BCKDK: variants seen among roughly 807,000 people sequenced by gnomAD.
The protein encoded by BCKDK is branched chain keto acid dehydrogenase kinase.
In BCKDK, 28 loss-of-function variants were observed where a neutral mutation model predicts 43.9. The ratio of observed to expected loss-of-function variants is 0.64; its 90% CI spans 0.47 to 0.87. The LOEUF is 0.87. Ranked by LOEUF, BCKDK falls within the 40% of genes least tolerant of loss-of-function variation. BCKDK has a pLI of 0.00. For synonymous variants in BCKDK, 257 were observed against 234.3 expected (o/e 1.10, Z -0.88); for missense variants, 483 against 581.4 (o/e 0.83, Z 1.74).
chr16:31,109,428 G>C lies in BCKDK; in HGVS notation c.195+10G>C, dbSNP rs1467318514. 1 of 1,611,880 alleles carries C rather than the reference G, an allele frequency of 6.2e-7. No homozygotes were observed. The highest frequency in any genetic ancestry group is 1.1e-5 in the South Asian group (1 of 90,960). On this transcript the variant is annotated intron_variant, in intron 2 of 11. Transcript: ENST00000219794. This position sits in a 1 kb window ranked among gnomAD's most constrained non-coding sequence, Gnocchi z 5.3. ...CGCGGCAGCGGAGAAGGTGCGCAAG[G>C]GGGCAGCCAGCCCAGGGTCCGGGAT...
At position 31,112,424 on chromosome 16, in the gene BCKDK, C is replaced by CCTGT. The variant is rs2057421869; in HGVS notation, c.*159_*160insCTGT. 1 of 1,223,732 alleles carries CCTGT rather than the reference C, an allele frequency of 8.2e-7. No homozygotes were observed. The highest frequency in any genetic ancestry group is 2.0e-5 in the Admixed American group (1 of 50,660). 75.8% of individuals were successfully genotyped at this position (1,223,732 alleles called of 1,614,324 possible). On this transcript the variant is annotated 3_prime_UTR_variant, in exon 12 of 12. Coordinates refer to ENST00000219794, the MANE Select transcript of BCKDK (RefSeq NM_005881.4). This position sits in a 1 kb window ranked among gnomAD's most constrained non-coding sequence, Gnocchi z 5.0. ...TACATGGAGCTGGGCACTGCCCTGC[C>CCTGT]TCAACAGGGTCCATTGCCTCCTCGC...
In BCKDK at chr16:31,112,409, TG is replaced by T. The variant is rs2057421681; in HGVS notation, c.*147del. The stretch of plus-strand genomic sequence containing the variant: ...CCAGACAGATGGACTTACATGGAGC[TG>T]GGCACTGCCCTGCCTCAACAGGGTC... On this transcript the variant is annotated 3_prime_UTR_variant, in exon 12 of 12. Transcript: ENST00000219794. The surrounding 1 kb of genome is among the most constrained non-coding windows in gnomAD (Gnocchi z 5.0). The T allele has an allele frequency of 7.5e-7, 1 of 1,337,870 alleles. No homozygotes were observed. Among genetic ancestry groups the T allele is most frequent in the African/African-American group, 1.4e-5 (1 of 69,212 alleles). The allele number at this position is 1,337,870 out of a possible 1,614,324, so 82.9% of individuals were successfully genotyped here.
rs2057415603 is a variant in BCKDK, at chr16:31,111,927, C to T, written c.994C>T (p.His332Tyr). 1 of 1,614,046 alleles carries T rather than the reference C, an allele frequency of 6.2e-7. No individual in the cohort carries two copies. Among genetic ancestry groups the T allele is most frequent in the South Asian group, 1.1e-5 (1 of 91,096 alleles). Residue 332 changes from histidine to tyrosine, a missense_variant, in exon 11 of 12, where the codon CAC becomes TAC. By Grantham distance (83) the His-to-Tyr change is moderately conservative. Transcript: ENST00000219794. ...AGATCTGGACCGGGTCATGGACTAC[C>T]ACTTCACTACTGCTGAGGCCAGCAC... ...HKDLDRVMDY[H>Y]FTTAEASTQD...
chr16:31,112,431 G>A lies in BCKDK; in HGVS notation c.*166G>A. 8.6e-7 allele frequency: 1 copy of A among 1,156,252 alleles called. No homozygotes were observed. The highest frequency in any genetic ancestry group is 1.2e-6 in the Non-Finnish European group (1 of 800,838). 71.6% of individuals were successfully genotyped at this position (1,156,252 alleles called of 1,614,324 possible). On this transcript the variant is annotated 3_prime_UTR_variant, in exon 12 of 12. Transcript: ENST00000219794. The surrounding 1 kb of genome is among the most constrained non-coding windows in gnomAD (Gnocchi z 5.0). Reference sequence around the variant, plus strand: ...AGCTGGGCACTGCCCTGCCTCAACAGGGTCCATTGCCTCCTCGCCTCCAGA... The same window carrying A: ...AGCTGGGCACTGCCCTGCCTCAACAAGGTCCATTGCCTCCTCGCCTCCAGA...
chr16:31,110,669 ACCT>A lies in BCKDK; in HGVS notation c.643-15_643-13del. On this transcript the variant is annotated splice_polypyrimidine_tract_variant and intron_variant, in intron 7 of 11. Coordinates refer to ENST00000219794, the MANE Select transcript of BCKDK (RefSeq NM_005881.4). The surrounding 1 kb of genome is among the most constrained non-coding windows in gnomAD (Gnocchi z 5.4). Reference sequence around the variant, plus strand: ...GGGGCTAGGGGCGTGGGTAGTCCTGACCTCCTTTCTCCGGCCAGCCTGACTTTG... The same window carrying A: ...GGGGCTAGGGGCGTGGGTAGTCCTGACCTTTCTCCGGCCAGCCTGACTTTG... The A allele has an allele frequency of 6.2e-7, 1 of 1,613,146 alleles. No individual in the cohort carries two copies. The highest frequency in any genetic ancestry group is 8.5e-7 in the Non-Finnish European group (1 of 1,179,568).
In BCKDK at chr16:31,112,313, CT is replaced by C. The variant is rs1315618319; in HGVS notation, c.*49del. On this transcript the variant is annotated 3_prime_UTR_variant, in exon 12 of 12. Coordinates refer to ENST00000219794, the MANE Select transcript of BCKDK (RefSeq NM_005881.4). This position sits in a 1 kb window ranked among gnomAD's most constrained non-coding sequence, Gnocchi z 5.0. ...ACCCGACCAGCCTGGGCCGCATTCC[CT>C]GCAGGACCTCCCGGGTCAGGCAGGG... 1 of 1,601,488 alleles carries C rather than the reference CT, an allele frequency of 6.2e-7. No individual in the cohort carries two copies. Among genetic ancestry groups the C allele is most frequent in the Admixed American group, 1.7e-5 (1 of 60,002 alleles).
chr16:31,115,327 G>A (rs1360583857), downstream of BCKDK, among the ~76,000 whole-genome samples: 2 of 151,350 alleles, frequency 1.3e-5, no homozygotes, highest in East Asian at 3.9e-4. Flanking sequence ...GGTTCAAGCG[G>A]TTCTCCTGCC....
rs1218543923 is a variant in BCKDK at position 31,109,398 on chromosome 16, A to G, written c.175A>G (p.Ile59Val). Residue 59 changes from isoleucine to valine, a missense_variant, in exon 2 of 12, where the codon ATC becomes GTC. By Grantham distance (29) the Ile-to-Val change is conservative. Coordinates refer to ENST00000219794, the MANE Select transcript of BCKDK (RefSeq NM_005881.4). This position sits in a 1 kb window ranked among gnomAD's most constrained non-coding sequence, Gnocchi z 5.3. ...TVTSFYNQSA[I>V]DAAAEKPSVR... The stretch of plus-strand genomic sequence containing the variant: ...CACCTCCTTTTACAACCAGTCGGCC[A>G]TCGACGCGGCAGCGGAGAAGGTGCG... 1.1e-5 allele frequency: 18 copies of G among 1,608,212 alleles called. No individual in the cohort carries two copies. Among genetic ancestry groups the G allele is most frequent in the Non-Finnish European group, 1.5e-5 (18 of 1,176,272 alleles).
chr16:31,112,668 T>C lies in BCKDK; in HGVS notation c.*403T>C. 2.8e-6 allele frequency: 1 copy of C among 356,526 alleles called. No homozygotes were observed. 22.1% of individuals were successfully genotyped at this position (356,526 alleles called of 1,614,324 possible). Reference sequence around the variant, plus strand: ...TGAACTGGTTCGTGTCCCAGTCTCTTACCTGCCCTGAGAGCCTGGCAGGCC... The same window carrying C: ...TGAACTGGTTCGTGTCCCAGTCTCTCACCTGCCCTGAGAGCCTGGCAGGCC... On this transcript the variant is annotated 3_prime_UTR_variant, in exon 12 of 12. Coordinates refer to ENST00000219794, the MANE Select transcript of BCKDK (RefSeq NM_005881.4). The surrounding 1 kb of genome is among the most constrained non-coding windows in gnomAD (Gnocchi z 5.0).
intron 9 of BCKDK, 37 bp from the exon 10 acceptor site, chr16:31,111,263 G>A: frequency 6.2e-7 from 1 of 1,614,110 alleles, no homozygotes; most frequent in Non-Finnish European, 8.5e-7. Context: ...ACAGGAACCG[G>A]GGTGCTTGTA....
At chr16:31,117,615 C>G (rs1474685351), downstream of BCKDK, 1 of 1,249,962 alleles carries the variant, frequency 8.0e-7, no homozygotes. Context: ...GCCCGCCCCA[C>G]GCACTGCTGA....
rs2057403604 is a variant in BCKDK at position 31,110,630 on chromosome 16, C to T, written c.643-58C>T. 6.2e-7 allele frequency: 1 copy of T among 1,600,796 alleles called. No individual in the cohort carries two copies. ...TGCTTTGGGGCAGTTCCGAAGTTGC[C>T]AGCATCTTGGGGTGGGGCTAGGGGC... On this transcript the variant is annotated intron_variant, in intron 7 of 11. Coordinates refer to ENST00000219794, the MANE Select transcript of BCKDK (RefSeq NM_005881.4). This position sits in a 1 kb window ranked among gnomAD's most constrained non-coding sequence, Gnocchi z 5.4.
chr16:31,115,920 A>T (rs1425491131), downstream of BCKDK: 1 of 152,206 alleles, frequency 6.6e-6, no homozygotes, highest in Non-Finnish European at 1.5e-5. Flanking sequence ...GACCATACAC[A>T]TATAAATGGC....
At chr16:31,115,222 CTT>C (rs56055700), downstream of BCKDK, among the ~76,000 whole-genome samples, 11 of 128,978 alleles carry the variant, frequency 8.5e-5, no homozygotes, top group African/African-American at 8.7e-5. Flanking sequence ...CGCGCCCAGT[CTT>C]TTTTTTTTTT....
In BCKDK at chr16:31,112,117, C is replaced by A; in HGVS notation, c.1095-4C>A. Reference sequence around the variant, plus strand: ...TCCTGTCCTGTCCCCCTGCCCACCCCCAGCTTTGGCTTCGGGTTGCCCACG... The same window carrying A: ...TCCTGTCCTGTCCCCCTGCCCACCCACAGCTTTGGCTTCGGGTTGCCCACG... On this transcript the variant is annotated splice_polypyrimidine_tract_variant and splice_region_variant and intron_variant, in intron 11 of 11. Coordinates refer to ENST00000219794, the MANE Select transcript of BCKDK (RefSeq NM_005881.4). The surrounding 1 kb of genome is among the most constrained non-coding windows in gnomAD (Gnocchi z 5.0). 1 of 1,608,262 alleles carries A rather than the reference C, an allele frequency of 6.2e-7. No individual in the cohort carries two copies. The highest frequency in any genetic ancestry group is 8.5e-7 in the Non-Finnish European group (1 of 1,176,132).
At position 31,110,344 on chromosome 16, in the gene BCKDK, G is replaced by C; in HGVS notation, c.543+20G>C. The C allele has an allele frequency of 6.2e-7, 1 of 1,614,068 alleles. No homozygotes were observed. Among genetic ancestry groups the C allele is most frequent in the Non-Finnish European group, 8.5e-7 (1 of 1,180,004 alleles). ...ATAGAGGTTGGGGCAGCAAAGGAGAGGCCGGGCCTGCTGGGGGTGGGAAGG... is the reference window on the plus strand; with the variant it reads ...ATAGAGGTTGGGGCAGCAAAGGAGACGCCGGGCCTGCTGGGGGTGGGAAGG... On this transcript the variant is annotated intron_variant, in intron 6 of 11. Coordinates refer to ENST00000219794, the MANE Select transcript of BCKDK (RefSeq NM_005881.4). This position sits in a 1 kb window ranked among gnomAD's most constrained non-coding sequence, Gnocchi z 5.4.
At chr16:31,115,175 G>A (rs560265170), downstream of BCKDK, among the ~76,000 whole-genome samples, 155 of 151,214 alleles carry the variant, frequency 1.0e-3, 1 homozygote, top group African/African-American at 3.3e-3. Flanking sequence ...CACCTGCTTC[G>A]GCCTCCCAAA....
At chr16:31,116,036 C>T (rs1449298368), downstream of BCKDK, among the ~76,000 whole-genome samples, 4 of 151,902 alleles carry the variant, frequency 2.6e-5, no homozygotes, top group African/African-American at 9.7e-5. Flanking sequence ...CTCAGCCTCC[C>T]GAGTAGCTGG....
At position 31,112,241 on chromosome 16, in the gene BCKDK, C is replaced by T; in HGVS notation, c.1215C>T (p.Gly405=). 6.2e-7 allele frequency: 1 copy of T among 1,610,570 alleles called. No individual in the cohort carries two copies. The highest frequency in any genetic ancestry group is 1.1e-5 in the South Asian group (1 of 91,088). ...ACCTGCGGCTCCGCCACATCGATGG[C>T]CGGGAGGAAAGCTTCCGGATCTGAC... ...DVYLRLRHID[G]REESFRI Residue 405 remains glycine (G), a synonymous_variant, in exon 12 of 12, where the codon GGC becomes GGT. Coordinates refer to ENST00000219794, the MANE Select transcript of BCKDK (RefSeq NM_005881.4). This position sits in a 1 kb window ranked among gnomAD's most constrained non-coding sequence, Gnocchi z 5.0.
Sources: allele counts gnomAD v4.1 joint callset (sites outside exome capture counted in the v4.1 genomes callset), GRCh38; gene constraint gnomAD v4.1.1; non-coding constraint Gnocchi (gnomAD v3.1); transcripts MANE v1.5; gene names NCBI Gene and HGNC (gene_info 2026-07-23, HGNC 2026-07-21).